The following TRIM33 variants were observed in gnomAD, a reference collection of about 807,000 sequenced individuals.
The protein encoded by TRIM33 is tripartite motif containing 33.
A neutral mutation model predicts 125.4 loss-of-function variants in TRIM33; 20 were observed. That is an observed-to-expected ratio of 0.16 (90% CI 0.11 to 0.23). TRIM33 has a LOEUF of 0.23. Among genes scored for constraint, TRIM33 ranks in the 10% least tolerant of loss-of-function variants. The probability of loss-of-function intolerance (pLI) is 1.00; values close to 1 mark genes in which losing one functional copy is unlikely to be tolerated. For synonymous variants in TRIM33, 564 were observed against 513.9 expected (o/e 1.10, Z -1.32); for missense variants, 920 against 1,411.4 (o/e 0.65, Z 5.58).
In TRIM33 at chr1:114,394,488, A is replaced by C. The variant is rs41301293; in HGVS notation, c.*3160T>G. ...ATAAATCTACAATTTGCACACTTAT[A>C]AACCTTTTACTTCTATTTAAAAGCA... On this transcript the variant is annotated 3_prime_UTR_variant, in exon 20 of 20. Transcript: ENST00000358465. 5,420 of 215,188 alleles carry C rather than the reference A, an allele frequency of 0.025. 113 individuals are homozygous for C. The highest frequency in any genetic ancestry group is 0.033 in the Non-Finnish European group (3,482 of 106,350). 13.3% of individuals were successfully genotyped at this position (215,188 alleles called of 1,614,324 possible).
intron 1 of TRIM33, among the ~76,000 whole-genome samples, chr1:114,506,219 TA>T (rs909114659): frequency 6.6e-6 from 1 of 151,722 alleles, no homozygotes; most frequent in Non-Finnish European, 1.5e-5. Context: ...CTGTCTCTAC[TA>T]AAAATACAAA....
intron 10 of TRIM33, among the ~76,000 whole-genome samples, chr1:114,422,701 T>C (rs1468520021): frequency 2.0e-5 from 3 of 150,800 alleles, no homozygotes; most frequent in African/African-American, 4.9e-5. Flanking sequence ...GAAATAACGA[T>C]GTTGGGTGTC....
intron 10 of TRIM33, among the ~76,000 whole-genome samples, chr1:114,422,009 T>TA (rs1647233928): frequency 6.6e-6 from 1 of 152,180 alleles, no homozygotes; most frequent in Admixed American, 6.6e-5. Flanking sequence ...ATAAAAATGA[T>TA]ATATAATGCA....
At chr1:114,425,297 C>T (rs1647491883) in intron 9 of TRIM33, 152 bp downstream of exon 9, 1 of 1,052,004 alleles carries the variant, frequency 9.5e-7, no homozygotes. Flanking sequence ...CTTACATCAC[C>T]ATCATAACCA....
chr1:114,406,824 A>G, intron 14 of TRIM33, 117 bp downstream of exon 14: 1 of 993,602 alleles, frequency 1.0e-6, no homozygotes, highest in Non-Finnish European at 1.4e-6. Flanking sequence ...TGTGCCAGGC[A>G]TGAAATTTCA....
chr1:114,421,466 A>G lies in TRIM33; in HGVS notation c.2031T>C (p.Leu677=). The G allele has an allele frequency of 6.2e-7, 1 of 1,614,070 alleles. No individual in the cohort carries two copies. The highest frequency in any genetic ancestry group is 2.2e-5 in the East Asian group (1 of 44,884). ...LIPSVTNPEN[L]PSLPDIPPIQ... The stretch of plus-strand genomic sequence containing the variant: ...TGGGTGGAATATCTGGCAGCGATGG[A>G]AGGTTTTCTGGATTGGTAACTGAGG... Residue 677 remains leucine (L), a synonymous_variant, in exon 11 of 20, where the codon CTT becomes CTC. Transcript: ENST00000358465.
In TRIM33 at chr1:114,501,121, C is replaced by T. The variant is rs1318682540; in HGVS notation, c.526+9430G>A. Among the ~76,000 whole-genome samples the T allele has an allele frequency of 4.9e-5, 3 of 60,916 alleles. 1 individual carries two copies. The highest frequency in any genetic ancestry group is 8.8e-5 in the African/African-American group (1 of 11,410). The allele number at this position is 60,916 out of a possible 152,430, so 40.0% of individuals were successfully genotyped here. Reference sequence around the variant, plus strand: ...AGGAGAATGGCGTGAACCCGGGAGGCGGAGCTTGCAGTGAGCCGAGATCCC... The same window carrying T: ...AGGAGAATGGCGTGAACCCGGGAGGTGGAGCTTGCAGTGAGCCGAGATCCC... On this transcript the variant is annotated intron_variant, in intron 1 of 19. Coordinates refer to ENST00000358465, the MANE Select transcript of TRIM33 (RefSeq NM_015906.4).
At chr1:114,473,336 G>A (rs1328956166) in intron 1 of TRIM33, among the ~76,000 whole-genome samples, 2 of 151,974 alleles carry the variant, frequency 1.3e-5, no homozygotes, top group African/African-American at 4.8e-5. Context: ...CACAGATGGA[G>A]CAATGGTGAA....
chr1:114,470,606 AAAG>A (rs1316611144), intron 1 of TRIM33, among the ~76,000 whole-genome samples: 4 of 151,720 alleles, frequency 2.6e-5, no homozygotes, highest in Non-Finnish European at 2.9e-5. Flanking sequence ...GTCCAACTGA[AAAG>A]AAGAATCGAT....
At chr1:114,481,176 AAAAG>A (rs1352115006) in intron 1 of TRIM33, among the ~76,000 whole-genome samples, 1 of 152,144 alleles carries the variant, frequency 6.6e-6, no homozygotes, top group Non-Finnish European at 1.5e-5. Flanking sequence ...CTGTCTCCAA[AAAAG>A]AAAGAAGAAA....
rs1441927779 is a variant in TRIM33 at position 114,397,876 on chromosome 1, A to G, written c.3172-16T>C. 3 of 1,614,014 alleles carry G rather than the reference A, an allele frequency of 1.9e-6. No individual in the cohort carries two copies. The highest frequency in any genetic ancestry group is 1.7e-6 in the Non-Finnish European group (2 of 1,179,936). On this transcript the variant is annotated splice_polypyrimidine_tract_variant and intron_variant, in intron 19 of 19. Coordinates refer to ENST00000358465, the MANE Select transcript of TRIM33 (RefSeq NM_015906.4). ...CTGAATCAGCCTGCAAGCAAAAGATAGGAATATTCACCTATTGGTAATGCA... is the reference window on the plus strand; with the variant it reads ...CTGAATCAGCCTGCAAGCAAAAGATGGGAATATTCACCTATTGGTAATGCA...
At chr1:114,455,967 T>G (rs1649592354) in intron 4 of TRIM33, among the ~76,000 whole-genome samples, 1 of 152,144 alleles carries the variant, frequency 6.6e-6, no homozygotes, top group Non-Finnish European at 1.5e-5. Flanking sequence ...TAAAACTCCT[T>G]GACAGGGAGG....
Position 114,425,641 on chromosome 1 carries a change from G to A in TRIM33, c.1503C>T (p.His501=), listed in dbSNP as rs1251483825. Residue 501 remains histidine (H), a synonymous_variant, in exon 9 of 20, where the codon CAC becomes CAT. Coordinates refer to ENST00000358465, the MANE Select transcript of TRIM33 (RefSeq NM_015906.4). ...TAATCTGTCCAGGGGTTTTACTAATGTGGTTTGTCCCTGGAGGAACTTGCC... is the reference window on the plus strand; with the variant it reads ...TAATCTGTCCAGGGGTTTTACTAATATGGTTTGTCCCTGGAGGAACTTGCC... ...VVGQVPPGTN[H]ISKTPGQINL... is the part of the protein sequence containing the mutation. 5 of 1,614,070 alleles carry A rather than the reference G, an allele frequency of 3.1e-6. No individual in the cohort carries two copies. Among genetic ancestry groups the A allele is most frequent in the Non-Finnish European group, 4.2e-6 (5 of 1,180,042 alleles).
intron 1 of TRIM33, among the ~76,000 whole-genome samples, chr1:114,506,842 A>G (rs927216977): frequency 1.3e-5 from 2 of 152,190 alleles, no homozygotes; most frequent in African/African-American, 4.8e-5. Context: ...CAAAATATTT[A>G]AATCTGTGTT....
chr1:114,497,879 GA>G (rs545036301), intron 1 of TRIM33, among the ~76,000 whole-genome samples: 195 of 114,622 alleles, frequency 1.7e-3, no homozygotes, highest in African/African-American at 2.8e-3. Context: ...AAGATCAAAA[GA>G]AAAAAAAAAA....
chr1:114,448,174 TGA>T (rs1649103014), intron 4 of TRIM33, among the ~76,000 whole-genome samples: 1 of 152,160 alleles, frequency 6.6e-6, no homozygotes, highest in Admixed American at 6.5e-5. Context: ...ATTGGCTACA[TGA>T]GAGGGGATGG....
At chr1:114,424,473 T>C (rs1647419102) in intron 10 of TRIM33, 118 bp downstream of exon 10, 1 of 800,806 alleles carries the variant, frequency 1.2e-6, no homozygotes, top group South Asian at 2.4e-5. Flanking sequence ...CAAGAGGATA[T>C]ACAGCATTAA....
intron 11 of TRIM33, 95 bp downstream of exon 11, chr1:114,421,341 G>T: frequency 8.6e-7 from 1 of 1,161,864 alleles, no homozygotes; most frequent in Non-Finnish European, 1.2e-6. Context: ...AGGAAATGTT[G>T]ATCCTGAATT....
At chr1:114,414,545 C>A (rs1282161706) in intron 11 of TRIM33, among the ~76,000 whole-genome samples, 2 of 152,180 alleles carry the variant, frequency 1.3e-5, no homozygotes, top group African/African-American at 2.4e-5. Flanking sequence ...AACTCTTACC[C>A]CGCTTCCAGG....
Sources: allele counts gnomAD v4.1 joint callset (sites outside exome capture counted in the v4.1 genomes callset), GRCh38; gene constraint gnomAD v4.1.1; transcripts MANE v1.5; gene names NCBI Gene and HGNC (gene_info 2026-07-23, HGNC 2026-07-21).